Variants in MED13L observed in about 807,000 individuals in gnomAD.
The protein encoded by MED13L is mediator of RNA polymerase II transcription subunit 13-like.
MED13L carries 7 observed loss-of-function variants against 220.9 expected under a neutral mutation model. That is an observed-to-expected ratio of 0.03 (90% CI 0.02 to 0.06). The LOEUF (loss-of-function observed/expected upper bound fraction) is 0.06, where lower values mean the gene tolerates loss of function less well. MED13L is among the 10% of genes least tolerant of loss of function. The pLI, the probability that MED13L is intolerant of heterozygous loss-of-function variation, is 1.00. For missense variants in MED13L, 1,965 were observed against 2,760.5 expected (o/e 0.71, Z 6.46); for synonymous variants, 1,011 against 1,015.2 (o/e 1.00, Z 0.08).
chr12:116,146,820 A>T (rs190881835), intron 2 of MED13L, among the ~76,000 whole-genome samples: 1 of 152,158 alleles, frequency 6.6e-6, no homozygotes, highest in African/African-American at 2.4e-5. Flanking sequence ...GTGAGCCAAG[A>T]TCGCACCACT....
intron 2 of MED13L, among the ~76,000 whole-genome samples, chr12:116,139,905 G>A (rs1325616338): frequency 6.6e-6 from 1 of 150,604 alleles, no homozygotes; most frequent in Non-Finnish European, 1.5e-5. Context: ...GGGAGGCGGA[G>A]GTTGCAGTGA....
At chr12:116,178,831 C>G (rs954431088) in intron 2 of MED13L, among the ~76,000 whole-genome samples, 1 of 152,210 alleles carries the variant, frequency 6.6e-6, no homozygotes, top group Non-Finnish European at 1.5e-5. Flanking sequence ...TGCTTAGAGT[C>G]TGCAAGACAG....
At chr12:116,078,819 T>C (rs934545649) in intron 4 of MED13L, among the ~76,000 whole-genome samples, 7 of 152,224 alleles carry the variant, frequency 4.6e-5, no homozygotes, top group East Asian at 1.9e-4. Context: ...TCTAAGAATA[T>C]AAAATCTCAT....
intron 1 of MED13L, among the ~76,000 whole-genome samples, chr12:116,242,375 C>T (rs1870740160): frequency 6.6e-6 from 1 of 152,104 alleles, no homozygotes; most frequent in Non-Finnish European, 1.5e-5. Context: ...TAACGTTTAT[C>T]TCTACAACAC....
At chr12:116,171,141 G>A (rs187580892) in intron 2 of MED13L, among the ~76,000 whole-genome samples, 32 of 152,250 alleles carry the variant, frequency 2.1e-4, no homozygotes, top group African/African-American at 6.0e-4. Flanking sequence ...CTCCCGAAAC[G>A]GTCGAAAAGA....
Position 116,238,167 on chromosome 12 carries a change from CAGTT to C in MED13L, c.73-466_73-463del, listed in dbSNP as rs1183623402. ...TTAAGTCCTTTTTTAATTAGGGAAG[CAGTT>C]AGCATGAAGTACGAGAGTGTTTCAT... On this transcript the variant is annotated intron_variant, in intron 1 of 30. Coordinates refer to ENST00000281928, the MANE Select transcript of MED13L (RefSeq NM_015335.5). 1.2e-4 allele frequency among the ~76,000 whole-genome samples: 18 copies of C among 152,260 alleles called. 1 individual carries two copies. Among genetic ancestry groups the C allele is most frequent in the Admixed American group, 9.2e-4 (14 of 15,276 alleles).
At chr12:116,238,442 CTTAAG>C (rs544307537) in intron 1 of MED13L, among the ~76,000 whole-genome samples, 71 of 152,296 alleles carry the variant, frequency 4.7e-4, no homozygotes, top group East Asian at 2.3e-3. Flanking sequence ...TGTCTTAAAT[CTTAAG>C]TTAAGAGCTA....
In MED13L at chr12:116,231,936, T is replaced by C. The variant is rs1307248140; in HGVS notation, c.310+5532A>G. 2.2e-5 allele frequency: 5 copies of C among 226,664 alleles called. No homozygotes were observed. In the East Asian group the frequency reaches 7.3e-4, roughly 33 times the overall value. 14.0% of individuals were successfully genotyped at this position (226,664 alleles called of 1,614,324 possible). On this transcript the variant is annotated intron_variant, in intron 2 of 30. Coordinates refer to ENST00000281928, the MANE Select transcript of MED13L (RefSeq NM_015335.5). ...TTATCAATCCCACCATTTGGAATTGTAGACTGTAATCTATAGATACAGATT... is the reference window on the plus strand; with the variant it reads ...TTATCAATCCCACCATTTGGAATTGCAGACTGTAATCTATAGATACAGATT...
intron 9 of MED13L, among the ~76,000 whole-genome samples, 174 bp downstream of exon 9, chr12:116,012,623 C>CT (rs2137403426): frequency 6.6e-6 from 1 of 152,290 alleles, no homozygotes; most frequent in South Asian, 2.1e-4. Flanking sequence ...CTAACAAACT[C>CT]TGAGTCCTGA....
At chr12:115,998,507 C>G (rs954506960) in intron 14 of MED13L, among the ~76,000 whole-genome samples, 1 of 152,202 alleles carries the variant, frequency 6.6e-6, no homozygotes, top group Non-Finnish European at 1.5e-5. Flanking sequence ...AGGTCACTTC[C>G]CCCCTTGGGG....
chr12:116,115,714 T>A (rs1392278263), intron 2 of MED13L, among the ~76,000 whole-genome samples: 1 of 151,890 alleles, frequency 6.6e-6, no homozygotes, highest in Non-Finnish European at 1.5e-5. Context: ...AACAGACGGT[T>A]CACCAAGTAA....
chr12:116,276,809 T>A, intron 1 of MED13L: 1 of 1,187,440 alleles, frequency 8.4e-7, no homozygotes, highest in South Asian at 1.6e-5. Context: ...GCTCCGAGAC[T>A]TCCACATGCA....
chr12:116,189,602 T>C lies in MED13L; in HGVS notation c.310+47866A>G, dbSNP rs1881134662. Among the ~76,000 whole-genome samples, 4 of 152,326 alleles carry C rather than the reference T, an allele frequency of 2.6e-5. No homozygotes were observed. In the South Asian group the frequency reaches 8.3e-4, roughly 32 times the overall value. The stretch of plus-strand genomic sequence containing the variant: ...AAAGATTTCTTTTTCCCAAAAGTTT[T>C]ATAGTTTACTTATTCCATTCAGTCT... On this transcript the variant is annotated intron_variant, in intron 2 of 30. Coordinates refer to ENST00000281928, the MANE Select transcript of MED13L (RefSeq NM_015335.5).
chr12:116,238,973 T>A (rs2138465824), intron 1 of MED13L, among the ~76,000 whole-genome samples: 1 of 152,206 alleles, frequency 6.6e-6, no homozygotes, highest in East Asian at 1.9e-4. Flanking sequence ...CGTGTGCCTG[T>A]AATCTCAGCT....
At chr12:116,163,860 C>G (rs1001575598) in intron 2 of MED13L, among the ~76,000 whole-genome samples, 20 of 152,164 alleles carry the variant, frequency 1.3e-4, no homozygotes, top group African/African-American at 4.8e-4. Flanking sequence ...TAAGCCTATA[C>G]TAGAGAAATC....
chr12:115,965,154 T>C (rs1366810811), intron 29 of MED13L, among the ~76,000 whole-genome samples: 1 of 152,184 alleles, frequency 6.6e-6, no homozygotes, highest in Admixed American at 6.5e-5. Flanking sequence ...TGTGTGTACG[T>C]GTATATGTGT....
intron 3 of MED13L, among the ~76,000 whole-genome samples, chr12:116,105,316 G>GGAA (rs1434041682): frequency 6.6e-6 from 1 of 152,098 alleles, no homozygotes; most frequent in African/African-American, 2.4e-5. Flanking sequence ...TAGAAAGGGA[G>GGAA]GAAGGATGGA....
intron 13 of MED13L, 122 bp downstream of exon 13, chr12:116,005,747 T>C: frequency 7.7e-7 from 1 of 1,292,014 alleles, no homozygotes; most frequent in Non-Finnish European, 1.1e-6. Flanking sequence ...ATAAAGAACA[T>C]TCAGAACCTG....
chr12:115,975,646 C>T lies in MED13L; in HGVS notation c.5457G>A (p.Ala1819=), dbSNP rs749664477. 1.2e-5 allele frequency: 19 copies of T among 1,613,900 alleles called. No homozygotes were observed. The highest frequency in any genetic ancestry group is 1.5e-5 in the Non-Finnish European group (18 of 1,180,012). ...CGAAGAGCACATTGTATTTCTGGCTCGCCTCACCAAACGTCTCTCCCAGCT... is the reference window on the plus strand; with the variant it reads ...CGAAGAGCACATTGTATTTCTGGCTTGCCTCACCAAACGTCTCTCCCAGCT... ...QTELGETFGE[A]SQKYNVLFVG... Residue 1819 remains alanine, a synonymous_variant, in exon 24 of 31, where the codon GCG becomes GCA. Transcript: ENST00000281928.
Sources: allele counts gnomAD v4.1 joint callset (sites outside exome capture counted in the v4.1 genomes callset), GRCh38; gene constraint gnomAD v4.1.1; transcripts MANE v1.5; gene names NCBI Gene and HGNC (gene_info 2026-07-23, HGNC 2026-07-21).